Variants in HSD17B14 observed in about 807,000 individuals in gnomAD.
HSD17B14 encodes the protein hydroxysteroid 17-beta dehydrogenase 14, also known as L-fucose dehydrogenase.
HSD17B14 carries 32 observed loss-of-function variants against 32.2 expected under a neutral mutation model. That is an observed-to-expected ratio of 0.99 (90% CI 0.75 to 1.33). The LOEUF is 1.33. Among genes scored for constraint, HSD17B14 ranks in the 40% most tolerant of loss-of-function variants. The pLI is 0.00. For missense variants in HSD17B14, 370 were observed against 366.5 expected, an observed-to-expected ratio of 1.01 and a Z score of -0.08; for synonymous variants, 140 against 155.4, an observed-to-expected ratio of 0.90 and a Z score of 0.74.
At chr19:48,819,558 A>G (rs953417594) in intron 5 of HSD17B14, among the ~76,000 whole-genome samples, 4 of 152,146 alleles carry the variant, frequency 2.6e-5, no homozygotes, top group Non-Finnish European at 5.9e-5. Flanking sequence ...CCCAGCTGGC[A>G]GCAGCACCAA....
At chr19:48,836,233 G>A in intron 1 of HSD17B14, 91 bp downstream of exon 1, 1 of 1,276,112 alleles carries the variant, frequency 7.8e-7, no homozygotes, top group Non-Finnish European at 1.1e-6. Flanking sequence ...CCTGGCTGCA[G>A]TACTGGAGTC....
At chr19:48,822,653 G>A (rs1292035143) in intron 5 of HSD17B14, among the ~76,000 whole-genome samples, 1 of 151,594 alleles carries the variant, frequency 6.6e-6, no homozygotes, top group African/African-American at 2.4e-5. Context: ...TGATGATTGT[G>A]GTAATGATGG....
chr19:48,822,595 G>GGATGGT (rs1485702177), intron 5 of HSD17B14, among the ~76,000 whole-genome samples: 1 of 141,882 alleles, frequency 7.0e-6, no homozygotes, highest in Non-Finnish European at 1.5e-5. Context: ...ATGATGATGA[G>GGATGGT]GATGGTGATG....
intron 5 of HSD17B14, among the ~76,000 whole-genome samples, chr19:48,818,719 G>T (rs482226): frequency 0.03 from 4,611 of 152,206 alleles, 228 homozygotes; most frequent in African/African-American, 0.1. Flanking sequence ...CCCGCTGGGG[G>T]CCAGGTGCAG....
rs1213132222 is a variant in HSD17B14, at chr19:48,834,279, C to T, written c.207G>A (p.Val69=). The change falls in exon 3 of 9, where the codon GTG becomes GTA. Residue 69 remains valine, a synonymous_variant. Coordinates refer to ENST00000263278, the MANE Select transcript of HSD17B14 (RefSeq NM_016246.3). The part of the protein sequence containing the change: ...ILCDVTQEDD[V]KTLVSETIRR... ...TAGGAACAGGAACTCGGCTTACCTT[C>T]ACATCATCTTCCTGAGTCACATCAC... The T allele has an allele frequency of 6.2e-7, 1 of 1,613,454 alleles. No homozygotes were observed. Among genetic ancestry groups the T allele is most frequent in the Non-Finnish European group, 8.5e-7 (1 of 1,179,556 alleles).
chr19:48,834,007 G>C lies in HSD17B14; in HGVS notation c.210+269C>G, dbSNP rs564554079. On this transcript the variant is annotated intron_variant, in intron 3 of 8. Coordinates refer to ENST00000263278, the MANE Select transcript of HSD17B14 (RefSeq NM_016246.3). ...AAAAGAGACAGAAAAATCAGTTCCA[G>C]TTGACCCACTTTGAGGGACTTATTC... Among the ~76,000 whole-genome samples, 11 of 152,226 alleles carry C rather than the reference G, an allele frequency of 7.2e-5. No individual in the cohort carries two copies. In the East Asian group the frequency reaches 2.1e-3, roughly 29 times the overall value.
chr19:48,821,074 G>A (rs965315294), intron 5 of HSD17B14, among the ~76,000 whole-genome samples: 1 of 148,602 alleles, frequency 6.7e-6, no homozygotes, highest in African/African-American at 2.5e-5. Flanking sequence ...GTGCAGTGGC[G>A]CGATCTCAGC....
intron 5 of HSD17B14, among the ~76,000 whole-genome samples, chr19:48,827,947 C>T (rs565754735): frequency 5.3e-4 from 80 of 151,886 alleles, no homozygotes; most frequent in African/African-American, 1.8e-3. Flanking sequence ...CTCCGCCTCC[C>T]GGGTTCACGC....
intron 5 of HSD17B14, among the ~76,000 whole-genome samples, chr19:48,823,086 A>G (rs1293299046): frequency 6.6e-6 from 1 of 152,214 alleles, no homozygotes; most frequent in Non-Finnish European, 1.5e-5. Flanking sequence ...TGAACAAATC[A>G]GCTGTAATAA....
intron 5 of HSD17B14, among the ~76,000 whole-genome samples, chr19:48,823,562 A>G (rs1466377556): frequency 6.6e-6 from 1 of 152,156 alleles, no homozygotes; most frequent in Non-Finnish European, 1.5e-5. Flanking sequence ...TATGGTGTAC[A>G]AAATGTGAAT....
chr19:48,835,929 T>A, intron 1 of HSD17B14, 86 bp from the exon 2 acceptor site: 3 of 1,204,932 alleles, frequency 2.5e-6, no homozygotes, highest in Non-Finnish European at 1.2e-6. Flanking sequence ...TTGGGGCTGA[T>A]CTCCCTCTCC....
intron 3 of HSD17B14, among the ~76,000 whole-genome samples, chr19:48,833,693 G>A (rs757928276): frequency 7.2e-5 from 11 of 152,152 alleles, no homozygotes; most frequent in Non-Finnish European, 1.2e-4. Flanking sequence ...AGGTGTGGTG[G>A]CACATGCCTG....
chr19:48,834,112 A>G (rs953295895), intron 3 of HSD17B14, among the ~76,000 whole-genome samples, 164 bp downstream of exon 3: 2 of 152,236 alleles, frequency 1.3e-5, no homozygotes, highest in East Asian at 1.9e-4. Context: ...CATCAGTCAC[A>G]GAAGACCTTG....
intron 5 of HSD17B14, among the ~76,000 whole-genome samples, chr19:48,816,752 C>A (rs997278840): frequency 6.9e-6 from 1 of 144,418 alleles, no homozygotes; most frequent in African/African-American, 2.5e-5. Context: ...GTGTTTGAGG[C>A]CAGCATGGGC....
intron 6 of HSD17B14, 44 bp downstream of exon 6, chr19:48,814,993 T>C (rs1374514882): frequency 1.4e-6 from 2 of 1,471,456 alleles, no homozygotes; most frequent in Non-Finnish European, 1.9e-6. Context: ...CCAAGGCCCA[T>C]GGGAAGGAGT....
Position 48,813,260 on chromosome 19 carries a change from A to C in HSD17B14, c.728T>G (p.Leu243Arg), listed in dbSNP as rs749090139. Residue 243 changes from leucine (L) to arginine (R), a missense_variant, in exon 9 of 9, where the codon CTG becomes CGG. Physicochemically the swap from Leu to Arg is moderately radical, Grantham distance 102. Transcript: ENST00000263278. ...CAGCTCTGCACCCCCCGTCACGAGC[A>C]GTTCAATGCCCGTGCAGAAGTTGGC... ...SEANFCTGIELLVTGGAELGY... is the reference protein window; with the variant it reads ...SEANFCTGIERLVTGGAELGY... 36 of 1,608,350 alleles carry C rather than the reference A, an allele frequency of 2.2e-5. No individual in the cohort carries two copies. Among genetic ancestry groups the C allele is most frequent in the Non-Finnish European group, 3.0e-5 (35 of 1,177,550 alleles).
intron 3 of HSD17B14, 59 bp downstream of exon 3, chr19:48,834,214 TGGA>T (rs1480336412): frequency 2.2e-6 from 3 of 1,359,618 alleles, no homozygotes; most frequent in South Asian, 1.2e-5. Context: ...TGCAAATGGC[TGGA>T]GGAGAACAAA....
intron 5 of HSD17B14, 46 bp from the exon 6 acceptor site, chr19:48,815,187 C>A (rs1236067316): frequency 7.0e-7 from 1 of 1,427,226 alleles, no homozygotes; most frequent in Non-Finnish European, 9.9e-7. Flanking sequence ...CCTGCATCTT[C>A]GCAGACCACT....
intron 5 of HSD17B14, among the ~76,000 whole-genome samples, chr19:48,816,796 TTTCTTTCTTTCTTTCTTTCTTTCTTTC>T (rs1237972634): frequency 9.9e-5 from 11 of 111,262 alleles, no homozygotes; most frequent in African/African-American, 2.4e-4. Context: ...TCTTTCTTTC[TTTCTTTCTTTCTTTCTTTCTTTCTTTC>T]TTTTCTTTCT....
Sources: gnomAD v4.1 joint callset for allele counts (sites outside exome capture counted in the v4.1 genomes callset) on GRCh38, gnomAD v4.1.1 for gene constraint, MANE v1.5 for transcripts, NCBI Gene and HGNC (gene_info 2026-07-23, HGNC 2026-07-21) for gene names.